SNX24: variants seen among roughly 807,000 people sequenced by gnomAD.
The protein encoded by SNX24 is sorting nexin-24.
Under a neutral mutation model 28.7 loss-of-function variants are expected in SNX24, and 22 were observed. That is an observed-to-expected ratio of 0.77 (90% CI 0.55 to 1.10). The LOEUF (loss-of-function observed/expected upper bound fraction) is 1.10. Ranked by LOEUF, SNX24 falls within the 50% of genes least tolerant of loss-of-function variation. The pLI, the probability that SNX24 is intolerant of heterozygous loss-of-function variation, is 0.00. For missense variants in SNX24, 221 were observed against 201.1 expected (o/e 1.10, Z -0.60); for synonymous variants, 69 against 71.5 (o/e 0.96, Z 0.18).
At chr5:122,866,382 C>T (rs1209379366) in intron 1 of SNX24, among the ~76,000 whole-genome samples, 1 of 152,196 alleles carries the variant, frequency 6.6e-6, no homozygotes, top group Admixed American at 6.5e-5. Flanking sequence ...CTCCTGAACT[C>T]AAGTGATCTG....
chr5:122,856,319 C>T (rs1755188254), intron 1 of SNX24, among the ~76,000 whole-genome samples: 1 of 152,108 alleles, frequency 6.6e-6, no homozygotes, highest in Admixed American at 6.6e-5. Flanking sequence ...TTCTTTATGG[C>T]TGCACAGTAT....
At chr5:122,987,969 A>G in intron 3 of SNX24, among the ~76,000 whole-genome samples, 1 of 152,232 alleles carries the variant, frequency 6.6e-6, no homozygotes, top group East Asian at 1.9e-4. Context: ...GTTAATCATA[A>G]TGTAAATAAA....
At chr5:123,017,777 G>T (rs999447041) in intron 5 of SNX24, among the ~76,000 whole-genome samples, 1 of 152,034 alleles carries the variant, frequency 6.6e-6, no homozygotes, top group Admixed American at 6.5e-5. Context: ...CTCTTCCCTT[G>T]TCTGCTACCA....
At chr5:122,928,816 T>C (rs1485428607) in intron 1 of SNX24, among the ~76,000 whole-genome samples, 1 of 150,296 alleles carries the variant, frequency 6.7e-6, no homozygotes, top group Non-Finnish European at 1.5e-5. Context: ...TAATTTTGGG[T>C]GAGGTCTTGA....
At chr5:122,866,089 T>TA (rs1755707075) in intron 1 of SNX24, among the ~76,000 whole-genome samples, 1 of 152,224 alleles carries the variant, frequency 6.6e-6, no homozygotes, top group African/African-American at 2.4e-5. Flanking sequence ...AAGGAGGAAA[T>TA]ACTCATGACA....
intron 1 of SNX24, among the ~76,000 whole-genome samples, chr5:122,878,013 G>T (rs1657473345): frequency 6.6e-6 from 1 of 152,158 alleles, no homozygotes; most frequent in Non-Finnish European, 1.5e-5. Context: ...CTGGCAAGGT[G>T]TTGAGGGAGC....
intron 3 of SNX24, among the ~76,000 whole-genome samples, chr5:122,956,657 A>T (rs42538): frequency 0.81 from 123,475 of 152,134 alleles, 50,997 homozygotes; most frequent in East Asian, 0.99. Context: ...ACCAACAGTG[A>T]GCAAGGGTTC....
chr5:122,896,864 A>G (rs1304806250), intron 1 of SNX24, among the ~76,000 whole-genome samples: 1 of 152,232 alleles, frequency 6.6e-6, no homozygotes, highest in African/African-American at 2.4e-5. Context: ...CCTTCAGCCA[A>G]ACATTGATCT....
At chr5:123,016,848 C>G (rs1245350220) in intron 5 of SNX24, among the ~76,000 whole-genome samples, 1 of 152,068 alleles carries the variant, frequency 6.6e-6, no homozygotes, top group African/African-American at 2.4e-5. Context: ...CAGGGAGCTC[C>G]ACGTGGCTGG....
chr5:122,956,536 T>C (rs2150134573), intron 3 of SNX24, among the ~76,000 whole-genome samples: 1 of 152,262 alleles, frequency 6.6e-6, no homozygotes, highest in East Asian at 1.9e-4. Flanking sequence ...CTGCTTTTGA[T>C]TCTTTAAGGT....
chr5:122,886,158 A>G (rs1040346761), intron 1 of SNX24, among the ~76,000 whole-genome samples: 1 of 152,218 alleles, frequency 6.6e-6, no homozygotes, highest in African/African-American at 2.4e-5. Flanking sequence ...CAGCTTCGTG[A>G]TGACACTTCA....
At chr5:122,918,940 A>T (rs1039557403) in intron 1 of SNX24, among the ~76,000 whole-genome samples, 3 of 152,212 alleles carry the variant, frequency 2.0e-5, no homozygotes, top group Admixed American at 6.5e-5. Flanking sequence ...TTAAGTGTGT[A>T]TATATATAAT....
chr5:122,964,328 G>C (rs990705065), intron 3 of SNX24, among the ~76,000 whole-genome samples: 1 of 150,808 alleles, frequency 6.6e-6, no homozygotes, highest in South Asian at 2.1e-4. Flanking sequence ...ATTTGGCAAC[G>C]TCTAGAGACA....
chr5:122,908,400 T>C (rs899118386), intron 1 of SNX24, among the ~76,000 whole-genome samples: 1 of 152,156 alleles, frequency 6.6e-6, no homozygotes, highest in Non-Finnish European at 1.5e-5. Flanking sequence ...TGACATCTCC[T>C]TGGGGTAACT....
intron 1 of SNX24, among the ~76,000 whole-genome samples, chr5:122,902,911 C>T (rs1757500788): frequency 6.6e-6 from 1 of 152,146 alleles, no homozygotes; most frequent in Non-Finnish European, 1.5e-5. Flanking sequence ...GCCACTGTTG[C>T]ACAAATATAT....
chr5:123,000,075 A>G, intron 4 of SNX24, 69 bp downstream of exon 4: 2 of 1,091,624 alleles, frequency 1.8e-6, no homozygotes, highest in Non-Finnish European at 2.8e-6. Flanking sequence ...GATCTAACAA[A>G]TAGCCCAGAG....
chr5:123,002,009 T>TTTTC lies in SNX24; in HGVS notation c.442+5_442+6insTTTC. ...ATGTCTTGCCTGCAGCCAGCGGTAA[T>TTTTC]CAAACCTGTCATCTGCTAACAGCTC... On this transcript the variant is annotated splice_donor_region_variant and intron_variant, in intron 6 of 6. Transcript: ENST00000261369. 6.2e-7 allele frequency: 1 copy of TTTTC among 1,611,152 alleles called. No individual in the cohort carries two copies. The highest frequency in any genetic ancestry group is 8.5e-7 in the Non-Finnish European group (1 of 1,177,356).
chr5:122,958,845 C>G (rs1760335588), intron 3 of SNX24, among the ~76,000 whole-genome samples: 1 of 152,094 alleles, frequency 6.6e-6, no homozygotes. Context: ...TAGGCATGAG[C>G]CACCCCACCT....
intron 6 of SNX24, among the ~76,000 whole-genome samples, chr5:123,006,852 C>T (rs1762439051): frequency 6.6e-6 from 1 of 152,180 alleles, no homozygotes; most frequent in Non-Finnish European, 1.5e-5. Flanking sequence ...ACACAGTAGA[C>T]AATAGAGGCT....
Sources: gnomAD v4.1 joint callset for allele counts (sites outside exome capture counted in the v4.1 genomes callset) on GRCh38, gnomAD v4.1.1 for gene constraint, MANE v1.5 for transcripts, NCBI Gene and HGNC (gene_info 2026-07-23, HGNC 2026-07-21) for gene names.